ATRN: variants seen among roughly 807,000 people sequenced by gnomAD.
ATRN encodes the protein attractin.
A neutral mutation model predicts 178.7 loss-of-function variants in ATRN; 54 were observed. The observed-to-expected ratio is 0.30, with a 90% CI of 0.24 to 0.38. ATRN has a LOEUF of 0.38. Ranked by LOEUF, ATRN falls within the 10% of genes least tolerant of loss-of-function variation. The pLI is 1.00. For missense variants in ATRN, 1,443 were observed against 1,815.1 expected, an observed-to-expected ratio of 0.79 and a Z score of 3.73; for synonymous variants, 636 against 663.0, an observed-to-expected ratio of 0.96 and a Z score of 0.63.
chr20:3,496,441 T>A (rs1283705781), intron 1 of ATRN, among the ~76,000 whole-genome samples: 1 of 152,106 alleles, frequency 6.6e-6, no homozygotes, highest in Non-Finnish European at 1.5e-5. Flanking sequence ...GGTTGTTCAG[T>A]TTCCATGTAG....
intron 24 of ATRN, among the ~76,000 whole-genome samples, chr20:3,620,784 TAA>T (rs1255555984): frequency 1.3e-5 from 2 of 152,174 alleles, no homozygotes; most frequent in South Asian, 2.1e-4. Context: ...AACAGTAATT[TAA>T]AAGTTAGGAA....
intron 1 of ATRN, among the ~76,000 whole-genome samples, chr20:3,496,401 C>T (rs369288921): frequency 5.3e-5 from 8 of 151,486 alleles, no homozygotes; most frequent in African/African-American, 1.5e-4. Flanking sequence ...GCCTTCATTT[C>T]GTTATGTACC....
At chr20:3,523,650 T>G (rs2085325987) in intron 1 of ATRN, among the ~76,000 whole-genome samples, 1 of 152,140 alleles carries the variant, frequency 6.6e-6, no homozygotes, top group Admixed American at 6.5e-5. Flanking sequence ...GGAAAAAGTG[T>G]TAAGGGCAGC....
At chr20:3,615,638 A>G (rs901895647) in intron 24 of ATRN, among the ~76,000 whole-genome samples, 61 of 142,008 alleles carry the variant, frequency 4.3e-4, no homozygotes, top group East Asian at 1.1e-3. Flanking sequence ...TCGCTGCAAC[A>G]TCTGCCTCCT....
intron 6 of ATRN, among the ~76,000 whole-genome samples, chr20:3,551,994 A>G (rs993099109): frequency 6.6e-6 from 1 of 152,016 alleles, no homozygotes; most frequent in African/African-American, 2.4e-5. Flanking sequence ...TGAATTTTTT[A>G]TTTTCCATTC....
At chr20:3,634,152 A>G (rs2087008392) in intron 25 of ATRN, among the ~76,000 whole-genome samples, 159 bp from the exon 26 acceptor site, 1 of 152,188 alleles carries the variant, frequency 6.6e-6, no homozygotes, top group South Asian at 2.1e-4. Flanking sequence ...TGTCTCACTC[A>G]TTACCTCCTG....
chr20:3,593,429 A>G (rs1447914793), intron 19 of ATRN, among the ~76,000 whole-genome samples: 1 of 152,224 alleles, frequency 6.6e-6, no homozygotes, highest in African/African-American at 2.4e-5. Context: ...AAACACCCCT[A>G]TGAGATAGGT....
intron 1 of ATRN, chr20:3,489,932 C>G (rs1379942264): frequency 1.7e-6 from 2 of 1,158,800 alleles, no homozygotes; most frequent in Non-Finnish European, 2.6e-6. Flanking sequence ...CATCTTCACT[C>G]TCACTCTTAC....
At chr20:3,586,690 A>G (rs1013414471) in intron 18 of ATRN, among the ~76,000 whole-genome samples, 1 of 151,402 alleles carries the variant, frequency 6.6e-6, no homozygotes, top group African/African-American at 2.4e-5. Context: ...AAAACATGCT[A>G]TGTAAAAGAA....
In ATRN at chr20:3,639,231, A is replaced by G. The variant is rs6139172; in HGVS notation, c.4050+296A>G. ...AAAACTTTTATTTGAAAAGAGCTAC[A>G]TTGAACATCGAATCATTGTTTTTTT... On this transcript the variant is annotated intron_variant, in intron 27 of 28. Coordinates refer to ENST00000262919, the MANE Select transcript of ATRN (RefSeq NM_139321.3). Among the ~76,000 whole-genome samples the G allele has an allele frequency of 6.6e-5, 10 of 151,616 alleles. No homozygotes were observed. The South Asian group carries it at 2.1e-3, about 31-fold the overall frequency.
chr20:3,488,610 T>C (rs918573366), intron 1 of ATRN, among the ~76,000 whole-genome samples: 1 of 152,244 alleles, frequency 6.6e-6, no homozygotes, highest in African/African-American at 2.4e-5. Context: ...CCAGTAATAC[T>C]GCACTATCTT....
At chr20:3,557,855 T>C (rs1386738674) in intron 6 of ATRN, among the ~76,000 whole-genome samples, 1 of 152,226 alleles carries the variant, frequency 6.6e-6, no homozygotes, top group Non-Finnish European at 1.5e-5. Context: ...TAAATAATTT[T>C]TCATGTATTT....
At chr20:3,630,692 G>A (rs2086982881) in intron 25 of ATRN, among the ~76,000 whole-genome samples, 1 of 152,094 alleles carries the variant, frequency 6.6e-6, no homozygotes, top group Non-Finnish European at 1.5e-5. Context: ...TACTTTTCAG[G>A]CCCATGGCCT....
At chr20:3,595,521 C>T (rs1429359439) in intron 20 of ATRN, among the ~76,000 whole-genome samples, 1 of 152,130 alleles carries the variant, frequency 6.6e-6, no homozygotes, top group East Asian at 1.9e-4. Context: ...GCCCTAAAGC[C>T]AATATGTGAA....
At chr20:3,619,834 C>T (rs1198402568) in intron 24 of ATRN, among the ~76,000 whole-genome samples, 1 of 152,172 alleles carries the variant, frequency 6.6e-6, no homozygotes, top group South Asian at 2.1e-4. Flanking sequence ...CTGACTGCTG[C>T]GCCCGATTCC....
At chr20:3,618,749 G>A (rs547684711) in intron 24 of ATRN, among the ~76,000 whole-genome samples, 2 of 152,334 alleles carry the variant, frequency 1.3e-5, no homozygotes, top group South Asian at 2.1e-4. Context: ...CATTAGGTGC[G>A]TGGTGTGTGA....
intron 1 of ATRN, among the ~76,000 whole-genome samples, chr20:3,534,231 T>C (rs899586688): frequency 2.0e-5 from 3 of 152,136 alleles, no homozygotes; most frequent in African/African-American, 7.2e-5. Context: ...GAAGAAATGA[T>C]AGTTCAATGG....
At chr20:3,641,640 TGAC>T (rs1357086727) in intron 27 of ATRN, among the ~76,000 whole-genome samples, 1 of 116,110 alleles carries the variant, frequency 8.6e-6, no homozygotes, top group Non-Finnish European at 1.8e-5. Context: ...TGCAAAGGAA[TGAC>T]AAGCTGACCG....
intron 24 of ATRN, among the ~76,000 whole-genome samples, chr20:3,614,087 C>T (rs2086804908): frequency 6.6e-6 from 1 of 152,164 alleles, no homozygotes; most frequent in Admixed American, 6.5e-5. Flanking sequence ...TTTGTAGATG[C>T]AGCTAAAAAA....
Sources: gnomAD v4.1 joint callset for allele counts (sites outside exome capture counted in the v4.1 genomes callset) on GRCh38, gnomAD v4.1.1 for gene constraint, MANE v1.5 for transcripts, NCBI Gene and HGNC (gene_info 2026-07-23, HGNC 2026-07-21) for gene names.